Variants in CADM2 observed in about 807,000 individuals in gnomAD.
CADM2 encodes the protein immunoglobulin superfamily member 4D.
Under a neutral mutation model 49.8 loss-of-function variants are expected in CADM2, and 12 were observed. The observed-to-expected ratio is 0.24, with a 90% CI of 0.15 to 0.39. The LOEUF (loss-of-function observed/expected upper bound fraction) is 0.39, where lower values mean the gene tolerates loss of function less well. Ranked by LOEUF, CADM2 falls within the 10% of genes least tolerant of loss-of-function variation. The pLI is 1.00. For synonymous variants in CADM2, 214 were observed against 175.4 expected, an observed-to-expected ratio of 1.22 and a Z score of -1.74; for missense variants, 378 against 492.3, an observed-to-expected ratio of 0.77 and a Z score of 2.20.
chr3:85,554,279 G>C (rs1012765224), intron 1 of CADM2, among the ~76,000 whole-genome samples: 3 of 152,144 alleles, frequency 2.0e-5, no homozygotes, highest in Non-Finnish European at 2.9e-5. Context: ...GCTCCTATGA[G>C]AATCTAATGC....
chr3:85,044,717 G>T (rs554702802), intron 1 of CADM2, among the ~76,000 whole-genome samples: 2 of 152,124 alleles, frequency 1.3e-5, no homozygotes, highest in South Asian at 2.1e-4. Context: ...TGAAATTCTT[G>T]GGTGGATATT....
intron 1 of CADM2, among the ~76,000 whole-genome samples, chr3:85,720,048 T>A (rs151198042): frequency 6.6e-6 from 1 of 152,254 alleles, no homozygotes; most frequent in African/African-American, 2.4e-5. Flanking sequence ...CAACTCAAGA[T>A]CCACTGTAGT....
chr3:85,093,232 T>C (rs2037666060), intron 1 of CADM2, among the ~76,000 whole-genome samples: 1 of 152,198 alleles, frequency 6.6e-6, no homozygotes, highest in South Asian at 2.1e-4. Flanking sequence ...AGATAAGATA[T>C]ATCCTTGGCC....
chr3:85,667,726 A>G (rs1227311210), intron 1 of CADM2, among the ~76,000 whole-genome samples: 3 of 152,136 alleles, frequency 2.0e-5, no homozygotes, highest in Middle Eastern at 3.4e-3. Flanking sequence ...CTTTACATCA[A>G]TTCAGGACAG....
intron 1 of CADM2, among the ~76,000 whole-genome samples, chr3:85,326,662 T>C (rs1453201559): frequency 6.6e-6 from 1 of 152,186 alleles, no homozygotes; most frequent in Non-Finnish European, 1.5e-5. Flanking sequence ...GAAAGCCATT[T>C]TCAATTGTAA....
chr3:85,637,713 A>G lies in CADM2; in HGVS notation c.62-88809A>G, dbSNP rs569263287. 7.2e-5 allele frequency among the ~76,000 whole-genome samples: 11 copies of G among 152,132 alleles called. No homozygotes were observed. In the South Asian group the frequency reaches 8.3e-4, roughly 11 times the overall value. On this transcript the variant is annotated intron_variant, in intron 1 of 9. Transcript: ENST00000383699. ...GAAAACTTAATATCCAAAAAATGAC[A>G]ATAACTTAGCCAAGAGCACCTAATA... is the stretch of plus-strand genomic sequence containing the variant.
intron 7 of CADM2, among the ~76,000 whole-genome samples, chr3:85,959,150 A>ATCTATCTCTCTC (rs141472491): frequency 8.9e-5 from 13 of 145,418 alleles, no homozygotes; most frequent in South Asian, 4.4e-4. Context: ...TTATCTATCT[A>ATCTATCTCTCTC]TCTCTCTCTC....
chr3:84,968,439 G>A (rs2031174601), intron 1 of CADM2, among the ~76,000 whole-genome samples: 1 of 152,032 alleles, frequency 6.6e-6, no homozygotes, highest in South Asian at 2.1e-4. Context: ...GGATAGAACA[G>A]GGGTCTGGCT....
intron 1 of CADM2, among the ~76,000 whole-genome samples, chr3:85,400,464 A>T (rs529288278): frequency 6.6e-6 from 1 of 152,266 alleles, no homozygotes; most frequent in East Asian, 1.9e-4. Flanking sequence ...CTGGCCTCAT[A>T]AAATGAGTTA....
intron 8 of CADM2, among the ~76,000 whole-genome samples, chr3:86,055,188 T>C (rs1737774197): frequency 6.6e-6 from 1 of 152,192 alleles, no homozygotes; most frequent in Non-Finnish European, 1.5e-5. Context: ...TGCATATTTA[T>C]TGAACACTTT....
chr3:85,560,456 C>A (rs2062064453), intron 1 of CADM2, among the ~76,000 whole-genome samples: 1 of 152,190 alleles, frequency 6.6e-6, no homozygotes, highest in South Asian at 2.1e-4. Context: ...CAGATTCAGG[C>A]GCTTGGCTTA....
intron 1 of CADM2, among the ~76,000 whole-genome samples, chr3:85,287,426 T>C (rs1237186545): frequency 6.6e-6 from 1 of 152,150 alleles, no homozygotes. Flanking sequence ...ATATGCTATA[T>C]TGCTCAACTT....
At chr3:85,098,869 A>T (rs1025634753) in intron 1 of CADM2, among the ~76,000 whole-genome samples, 3 of 152,152 alleles carry the variant, frequency 2.0e-5, no homozygotes, top group Non-Finnish European at 4.4e-5. Flanking sequence ...TGAGTTGTTC[A>T]TGGATCAACT....
At chr3:85,288,783 T>TTC (rs2043698302) in intron 1 of CADM2, among the ~76,000 whole-genome samples, 1 of 67,650 alleles carries the variant, frequency 1.5e-5, no homozygotes, top group African/African-American at 6.4e-5. Context: ...TTTACCAATA[T>TTC]GCCCCCCCCC....
chr3:86,048,630 G>A (rs1381966138), intron 8 of CADM2, among the ~76,000 whole-genome samples: 1 of 151,904 alleles, frequency 6.6e-6, no homozygotes, highest in Admixed American at 6.6e-5. Flanking sequence ...ATTATGCTAA[G>A]CCAATATGAT....
intron 6 of CADM2, 50 bp downstream of exon 6, chr3:85,912,593 A>C (rs758844527): frequency 1.3e-6 from 2 of 1,534,218 alleles, no homozygotes; most frequent in Admixed American, 1.8e-5. Context: ...AAATCTCTTC[A>C]TCTGCATCTA....
intron 3 of CADM2, among the ~76,000 whole-genome samples, chr3:85,832,808 C>T (rs1006663872): frequency 6.6e-6 from 1 of 151,796 alleles, no homozygotes; most frequent in Non-Finnish European, 1.5e-5. Context: ...CTTTCTCTTA[C>T]CTGAGTGCTC....
At chr3:86,041,507 G>A (rs915436415) in intron 8 of CADM2, among the ~76,000 whole-genome samples, 1 of 152,046 alleles carries the variant, frequency 6.6e-6, no homozygotes, top group African/African-American at 2.4e-5. Flanking sequence ...AATGGTAAAG[G>A]GATCAATTCA....
intron 1 of CADM2, among the ~76,000 whole-genome samples, chr3:85,161,873 C>T (rs754095542): frequency 1.3e-5 from 2 of 151,876 alleles, no homozygotes; most frequent in Non-Finnish European, 2.9e-5. Context: ...AAAAATTAGC[C>T]GGGTATGGTG....
Sources: allele counts gnomAD v4.1 joint callset (sites outside exome capture counted in the v4.1 genomes callset), GRCh38; gene constraint gnomAD v4.1.1; transcripts MANE v1.5; gene names NCBI Gene and HGNC (gene_info 2026-07-23, HGNC 2026-07-21).